UNC80: variants seen among roughly 807,000 people sequenced by gnomAD.
UNC80 encodes the protein protein unc-80 homolog.
A neutral mutation model predicts 384.6 loss-of-function variants in UNC80; 164 were observed. That is an observed-to-expected ratio of 0.43 (90% CI 0.38 to 0.49). The LOEUF (loss-of-function observed/expected upper bound fraction) is 0.49. UNC80 is among the 20% of genes least tolerant of loss of function. The pLI, the probability that UNC80 is intolerant of heterozygous loss-of-function variation, is 0.00. For synonymous variants in UNC80, 1,486 were observed against 1,527.8 expected, an observed-to-expected ratio of 0.97 and a Z score of 0.64; for missense variants, 3,330 against 4,143.0, an observed-to-expected ratio of 0.80 and a Z score of 5.39.
chr2:209,935,167 T>C (rs1174677473), intron 39 of UNC80, among the ~76,000 whole-genome samples: 2 of 152,248 alleles, frequency 1.3e-5, no homozygotes, highest in Admixed American at 6.5e-5. Context: ...CTTGTTGAAA[T>C]GCTTGAGGTT....
chr2:209,807,364 ATTTT>A (rs11291744), intron 7 of UNC80, among the ~76,000 whole-genome samples: 4 of 101,088 alleles, frequency 4.0e-5, no homozygotes, highest in Admixed American at 1.0e-4. Context: ...CCCTCATGTC[ATTTT>A]TTTTTTTTTT....
intron 25 of UNC80, among the ~76,000 whole-genome samples, chr2:209,882,925 A>T (rs2085427444): frequency 6.6e-6 from 1 of 152,204 alleles, no homozygotes; most frequent in African/African-American, 2.4e-5. Flanking sequence ...CAAATCTTCT[A>T]AATTTGATTA....
At chr2:209,852,559 T>G (rs980990354) in intron 22 of UNC80, among the ~76,000 whole-genome samples, 3 of 152,104 alleles carry the variant, frequency 2.0e-5, no homozygotes, top group Admixed American at 6.6e-5. Context: ...TTACAATCAG[T>G]TTCTCAGCTA....
intron 22 of UNC80, among the ~76,000 whole-genome samples, chr2:209,858,864 AT>A (rs1559212576): frequency 6.6e-6 from 1 of 150,984 alleles, no homozygotes; most frequent in Non-Finnish European, 1.5e-5. Flanking sequence ...TTATTTTTTC[AT>A]TGTGTGTGCA....
At chr2:209,784,684 C>T (rs1041952299) in intron 4 of UNC80, among the ~76,000 whole-genome samples, 12 of 152,216 alleles carry the variant, frequency 7.9e-5, no homozygotes, top group African/African-American at 2.9e-4. Flanking sequence ...CTTTGTCTGA[C>T]ACAGCCCTTC....
In UNC80 at chr2:209,872,690, C is replaced by T; in HGVS notation, c.3628-68C>T. 1 of 1,369,010 alleles carries T rather than the reference C, an allele frequency of 7.3e-7. No individual in the cohort carries two copies. The highest frequency in any genetic ancestry group is 1.3e-5 in the South Asian group (1 of 79,604). 84.8% of individuals were successfully genotyped at this position (1,369,010 alleles called of 1,614,324 possible). A position where few individuals can be genotyped will look rare whatever the true frequency, so the allele number is the denominator to read the frequency against. On this transcript the variant is annotated intron_variant, in intron 22 of 64. Transcript: ENST00000673920. The surrounding 1 kb of genome is among the most constrained non-coding windows in gnomAD (Gnocchi z 4.1). The stretch of plus-strand genomic sequence containing the variant: ...TAAACTAAAAATACACAGTAATTCC[C>T]TTTAAGACCAATTTAAAGTTATTGT...
intron 25 of UNC80, among the ~76,000 whole-genome samples, chr2:209,881,964 CTTT>C (rs34822717): frequency 5.3e-5 from 7 of 131,202 alleles, no homozygotes; most frequent in Admixed American, 8.2e-5. Flanking sequence ...ACCTCTCCTT[CTTT>C]TTTTTTTTTT....
At position 209,993,458 on chromosome 2, in the gene UNC80, C is replaced by T. The variant is rs367583780; in HGVS notation, c.9508+32C>T. On this transcript the variant is annotated intron_variant, in intron 63 of 64. Transcript: ENST00000673920. ...CCTCCTGTGTCCCTTCTGACTATAC[C>T]ATTGACATGATGCCATGCAACTCAC... 9 of 1,526,464 alleles carry T rather than the reference C, an allele frequency of 5.9e-6. No individual in the cohort carries two copies. In the African/African-American group the frequency reaches 1.2e-4, roughly 21 times the overall value. 94.6% of individuals were successfully genotyped at this position (1,526,464 alleles called of 1,614,324 possible). A position where few individuals can be genotyped will look rare whatever the true frequency, so the allele number is the denominator to read the frequency against.
chr2:209,943,646 C>T, intron 45 of UNC80, 132 bp downstream of exon 45: 3 of 1,089,034 alleles, frequency 2.8e-6, no homozygotes, highest in Non-Finnish European at 3.9e-6. Context: ...CAAAGGCAGG[C>T]AGAGGAGTCG....
At chr2:209,773,229 T>C in intron 2 of UNC80, 87 bp downstream of exon 2, 1 of 1,124,768 alleles carries the variant, frequency 8.9e-7, no homozygotes, top group Non-Finnish European at 1.3e-6. Flanking sequence ...AAACGGACTA[T>C]ATATATTAAT....
At chr2:209,925,639 C>T (rs1428883431) in intron 35 of UNC80, among the ~76,000 whole-genome samples, 1 of 152,156 alleles carries the variant, frequency 6.6e-6, no homozygotes, top group Non-Finnish European at 1.5e-5. Context: ...CTGATTGGTG[C>T]GTTTACAATC....
rs1266478020 is a variant in UNC80 at position 209,921,515 on chromosome 2, C to T, written c.5359C>T (p.Arg1787Trp). 22 of 1,482,198 alleles carry T rather than the reference C, an allele frequency of 1.5e-5. No homozygotes were observed. Among genetic ancestry groups the T allele is most frequent in the Admixed American group, 2.1e-5 (1 of 47,526 alleles). 91.8% of individuals were successfully genotyped at this position (1,482,198 alleles called of 1,614,324 possible). A position where few individuals can be genotyped will look rare whatever the true frequency, so the allele number is the denominator to read the frequency against. ...NEDQSKSFSA[R>W]AVSRSHQRAE... ...GTCTCCACAGAAATCCTTTTCAGCC[C>T]GGGCTGTGTCCCGCTCCCATCAAAG... Residue 1787 changes from arginine (R) to tryptophan (W), a missense_variant, in exon 34 of 65, where the codon CGG becomes TGG. Physicochemically the swap from Arg to Trp is moderately radical, Grantham distance 101. Around this residue, in one of 8 missense-constraint regions of UNC80, gnomAD observed 1,049 missense variants for 1,488.6 expected, o/e 0.70. Transcript: ENST00000673920.
chr2:209,794,288 C>T (rs542501706), intron 7 of UNC80, among the ~76,000 whole-genome samples: 1 of 152,128 alleles, frequency 6.6e-6, no homozygotes, highest in African/African-American at 2.4e-5. Context: ...TAACCCTACC[C>T]TTGTTATTTG....
chr2:209,842,506 A>T, intron 21 of UNC80, 60 bp downstream of exon 21: 1 of 1,243,054 alleles, frequency 8.0e-7, no homozygotes, highest in East Asian at 2.5e-5. Context: ...CAAAAACTTG[A>T]TTAGATTAAG....
intron 42 of UNC80, among the ~76,000 whole-genome samples, chr2:209,938,274 C>A (rs1339332634): frequency 1.3e-5 from 2 of 152,120 alleles, no homozygotes; most frequent in Non-Finnish European, 2.9e-5. Flanking sequence ...CTTTAGTACA[C>A]AATTCTAAAA....
intron 22 of UNC80, among the ~76,000 whole-genome samples, chr2:209,851,268 A>G (rs371645649): frequency 5.9e-5 from 9 of 152,244 alleles, no homozygotes; most frequent in African/African-American, 1.9e-4. Context: ...CAGTGTCACT[A>G]CTGGTGTAAG....
intron 36 of UNC80, among the ~76,000 whole-genome samples, chr2:209,928,585 C>A (rs1306425641): frequency 6.6e-6 from 1 of 152,070 alleles, no homozygotes; most frequent in Non-Finnish European, 1.5e-5. Flanking sequence ...TTATGGGGTA[C>A]AGTGATATTT....
At chr2:209,857,813 G>A (rs1256951885) in intron 22 of UNC80, among the ~76,000 whole-genome samples, 1 of 151,884 alleles carries the variant, frequency 6.6e-6, no homozygotes, top group Non-Finnish European at 1.5e-5. Context: ...TGACTCATAG[G>A]TATCTATATA....
At chr2:209,923,990 T>C (rs973626348) in intron 35 of UNC80, among the ~76,000 whole-genome samples, 1 of 152,038 alleles carries the variant, frequency 6.6e-6, no homozygotes, top group Non-Finnish European at 1.5e-5. Flanking sequence ...TATTTATATC[T>C]TTATCTTATA....
Sources: allele counts gnomAD v4.1 joint callset (sites outside exome capture counted in the v4.1 genomes callset), GRCh38; gene constraint gnomAD v4.1.1; regional missense constraint gnomAD v4.1.1; non-coding constraint Gnocchi (gnomAD v3.1); transcripts MANE v1.5; gene names NCBI Gene and HGNC (gene_info 2026-07-23, HGNC 2026-07-21).